CRPPA: variants seen among roughly 807,000 people sequenced by gnomAD.
CRPPA encodes CDP-L-ribitol pyrophosphorylase A, also known as D-ribitol-5-phosphate cytidylyltransferase.
A neutral mutation model predicts 52.0 loss-of-function variants in CRPPA; 43 were observed. The ratio of observed to expected loss-of-function variants is 0.83; its 90% CI spans 0.65 to 1.07. CRPPA has a LOEUF of 1.07. CRPPA is among the 50% of genes least tolerant of loss of function. The pLI is 0.00. For missense variants in CRPPA, 629 were observed against 551.7 expected (o/e 1.14, Z -1.40); for synonymous variants, 250 against 203.5 (o/e 1.23, Z -1.94).
intron 7 of CRPPA, 34 bp downstream of exon 7, chr7:16,258,886 C>CCTTATCCCT: frequency 7.3e-7 from 1 of 1,372,292 alleles, no homozygotes; most frequent in Middle Eastern, 1.8e-4. Flanking sequence ...TTGTTCATAT[C>CCTTATCCCT]CTTAAGTGCC....
At chr7:16,182,288 TA>T (rs1191576648) in intron 9 of CRPPA, among the ~76,000 whole-genome samples, 1 of 151,914 alleles carries the variant, frequency 6.6e-6, no homozygotes, top group Non-Finnish European at 1.5e-5. Flanking sequence ...TTTTAATTAG[TA>T]AAGTTTATGA....
At chr7:16,343,270 A>G (rs1785920879) in intron 3 of CRPPA, among the ~76,000 whole-genome samples, 1 of 152,114 alleles carries the variant, frequency 6.6e-6, no homozygotes, top group Non-Finnish European at 1.5e-5. Flanking sequence ...ATTCAGGTAT[A>G]AAACACTGAA....
chr7:16,210,949 C>T (rs1174958838), intron 9 of CRPPA, among the ~76,000 whole-genome samples: 1 of 151,780 alleles, frequency 6.6e-6, no homozygotes, highest in Non-Finnish European at 1.5e-5. Context: ...ATCTACTGTA[C>T]ATTTCAAAAT....
intron 9 of CRPPA, among the ~76,000 whole-genome samples, chr7:16,107,527 TATTTCAGAAATGA>T (rs1393514289): frequency 6.6e-6 from 1 of 152,100 alleles, no homozygotes; most frequent in East Asian, 1.9e-4. Context: ...AGCAAAGCTA[TATTTCAGAAATGA>T]AGGAGAAATA....
At chr7:16,256,290 T>A (rs1424034080) in intron 8 of CRPPA, among the ~76,000 whole-genome samples, 1 of 152,108 alleles carries the variant, frequency 6.6e-6, no homozygotes, top group African/African-American at 2.4e-5. Flanking sequence ...CAACAGATGC[T>A]GGAGAGGATG....
chr7:16,360,666 T>A (rs565738410), intron 3 of CRPPA, among the ~76,000 whole-genome samples: 1 of 152,284 alleles, frequency 6.6e-6, no homozygotes, highest in Admixed American at 6.5e-5. Flanking sequence ...GAAAACTGAA[T>A]ATCCATATGC....
At chr7:16,302,423 G>T (rs1288250736) in intron 4 of CRPPA, among the ~76,000 whole-genome samples, 1 of 151,990 alleles carries the variant, frequency 6.6e-6, no homozygotes, top group African/African-American at 2.4e-5. Flanking sequence ...CATCCAGTGA[G>T]CTCAGGTACA....
intron 3 of CRPPA, among the ~76,000 whole-genome samples, chr7:16,327,406 C>T (rs867649074): frequency 3.3e-5 from 5 of 151,982 alleles, no homozygotes; most frequent in Middle Eastern, 3.4e-3. Flanking sequence ...TCCTGGCTAA[C>T]AAGGTGAAAC....
At chr7:16,124,107 C>CTTTCT (rs1782529017) in intron 9 of CRPPA, among the ~76,000 whole-genome samples, 1 of 133,614 alleles carries the variant, frequency 7.5e-6, no homozygotes, top group African/African-American at 2.8e-5. Flanking sequence ...CAATTTCTTT[C>CTTTCT]TTTTTTTATT....
At chr7:16,278,519 C>T (rs1197805255) in intron 5 of CRPPA, among the ~76,000 whole-genome samples, 2 of 152,160 alleles carry the variant, frequency 1.3e-5, no homozygotes, top group Admixed American at 6.5e-5. Flanking sequence ...AGGTGACAAC[C>T]ATTTGAAGTT....
chr7:16,408,252 C>G (rs1203884057), intron 1 of CRPPA, among the ~76,000 whole-genome samples: 1 of 152,100 alleles, frequency 6.6e-6, no homozygotes, highest in African/African-American at 2.4e-5. Flanking sequence ...ACGTTCAAGA[C>G]AGCATGTAGG....
intron 8 of CRPPA, among the ~76,000 whole-genome samples, chr7:16,225,205 A>G (rs1342221601): frequency 6.6e-6 from 1 of 152,040 alleles, no homozygotes; most frequent in Non-Finnish European, 1.5e-5. Flanking sequence ...TCAAATCCTT[A>G]TTCAAAAGAT....
chr7:16,319,434 C>T (rs1416276567), intron 3 of CRPPA, among the ~76,000 whole-genome samples: 1 of 152,136 alleles, frequency 6.6e-6, no homozygotes, highest in Non-Finnish European at 1.5e-5. Flanking sequence ...TCTCTCCCAA[C>T]ATGGATCCCC....
chr7:16,404,908 T>C (rs1447011054), intron 2 of CRPPA, among the ~76,000 whole-genome samples: 1 of 152,210 alleles, frequency 6.6e-6, no homozygotes, highest in Non-Finnish European at 1.5e-5. Context: ...CTACCTTAAA[T>C]ACCATTTATC....
In CRPPA at chr7:16,089,546, T is replaced by G. The variant is rs28569130; in HGVS notation, c.*2149A>C. On this transcript the variant is annotated 3_prime_UTR_variant, in exon 10 of 10. Coordinates refer to ENST00000407010, the MANE Select transcript of CRPPA (RefSeq NM_001101426.4). ...ATATGTACGTACATACATATATATGTATATACATGTAAGTATATACATATA... is the reference window on the plus strand; with the variant it reads ...ATATGTACGTACATACATATATATGGATATACATGTAAGTATATACATATA... 7,159 of 252,748 alleles carry G rather than the reference T, an allele frequency of 0.028. 468 individuals are homozygous for G. Among genetic ancestry groups the G allele is most frequent in the African/African-American group, 0.13 (6,130 of 45,694 alleles). The allele number at this position is 252,748 out of a possible 1,614,324, so 15.7% of individuals were successfully genotyped here.
At chr7:16,107,666 T>C (rs1782184000) in intron 9 of CRPPA, among the ~76,000 whole-genome samples, 1 of 151,796 alleles carries the variant, frequency 6.6e-6, no homozygotes, top group Non-Finnish European at 1.5e-5. Context: ...ATATGAACTA[T>C]AAAAAAGCAA....
chr7:16,357,398 C>G (rs1157473447), intron 3 of CRPPA, among the ~76,000 whole-genome samples: 4 of 152,060 alleles, frequency 2.6e-5, no homozygotes, highest in African/African-American at 4.8e-5. Context: ...AATCTGGTCT[C>G]AAACTCCTGA....
chr7:16,133,554 T>A (rs2128373461), intron 9 of CRPPA, among the ~76,000 whole-genome samples: 1 of 124,812 alleles, frequency 8.0e-6, no homozygotes, highest in Middle Eastern at 4.2e-3. Context: ...GTGATGCTAA[T>A]CATCTCCACA....
intron 9 of CRPPA, among the ~76,000 whole-genome samples, chr7:16,193,262 T>C (rs1781654296): frequency 6.6e-6 from 1 of 152,156 alleles, no homozygotes; most frequent in Non-Finnish European, 1.5e-5. Flanking sequence ...TCTCTACACT[T>C]ATATTCCTCT....
Sources: gnomAD v4.1 joint callset for allele counts (sites outside exome capture counted in the v4.1 genomes callset) on GRCh38, gnomAD v4.1.1 for gene constraint, MANE v1.5 for transcripts, NCBI Gene and HGNC (gene_info 2026-07-23, HGNC 2026-07-21) for gene names.